PID1: variants seen among roughly 807,000 people sequenced by gnomAD.
PID1 encodes PTB-containing, cubilin and LRP1-interacting protein.
In PID1, 10 loss-of-function variants were observed where a neutral mutation model predicts 19.1. That is an observed-to-expected ratio of 0.52 (90% CI 0.32 to 0.89). PID1 has a LOEUF of 0.89. Among genes scored for constraint, PID1 ranks in the 40% least tolerant of loss-of-function variants. The pLI is 0.03. For synonymous variants in PID1, 130 were observed against 116.0 expected, an observed-to-expected ratio of 1.12 and a Z score of -0.78; for missense variants, 248 against 285.3, an observed-to-expected ratio of 0.87 and a Z score of 0.94.
At chr2:229,176,692 C>A (rs1690831315) in intron 1 of PID1, among the ~76,000 whole-genome samples, 1 of 152,192 alleles carries the variant, frequency 6.6e-6, no homozygotes, top group South Asian at 2.1e-4. Context: ...CCAAATATTT[C>A]ATTTGTACGA....
At chr2:229,145,451 A>G (rs550145003) in intron 2 of PID1, among the ~76,000 whole-genome samples, 40 of 152,110 alleles carry the variant, frequency 2.6e-4, no homozygotes, top group African/African-American at 9.1e-4. Context: ...CCAGAAAAAT[A>G]TGTGGAATAA....
intron 2 of PID1, among the ~76,000 whole-genome samples, chr2:229,135,101 A>C (rs577779541): frequency 6.6e-6 from 1 of 152,254 alleles, no homozygotes; most frequent in South Asian, 2.1e-4. Flanking sequence ...TGAGAAAGGA[A>C]GGAGGGAATG....
rs759906352 is a variant in PID1, at chr2:229,155,937, A to G, written c.58T>C (p.Leu20=). Residue 20 remains leucine, a synonymous_variant, in exon 2 of 3, where the codon TTG becomes CTG. Coordinates refer to ENST00000392055, the MANE Select transcript of PID1 (RefSeq NM_001100818.2). ...QHFQTMLKSK[L]NVLTLKKEPL... ...TCCTTTTTCAGTGTTAAGACATTCA[A>G]TTTAGACTTCAGCATGGTCTGAAAG... 55 of 1,613,854 alleles carry G rather than the reference A, an allele frequency of 3.4e-5. No individual in the cohort carries two copies. Among genetic ancestry groups the G allele is most frequent in the Non-Finnish European group, 4.3e-5 (51 of 1,180,014 alleles).
intron 2 of PID1, among the ~76,000 whole-genome samples, chr2:229,122,827 G>A (rs1456902398): frequency 1.3e-5 from 2 of 152,074 alleles, no homozygotes; most frequent in South Asian, 4.1e-4. Flanking sequence ...GGCAGGGAAA[G>A]GCCTCCAAAA....
chr2:229,140,787 T>A (rs543900954), intron 2 of PID1, among the ~76,000 whole-genome samples: 35 of 152,260 alleles, frequency 2.3e-4, no homozygotes, highest in Middle Eastern at 3.4e-3. Flanking sequence ...TTTAAAATAG[T>A]CATAATAAAC....
At chr2:229,049,198 T>G (rs148010769) in intron 2 of PID1, among the ~76,000 whole-genome samples, 8 of 152,248 alleles carry the variant, frequency 5.3e-5, no homozygotes, top group Non-Finnish European at 1.2e-4. Flanking sequence ...TGATCATCAC[T>G]TTATCATCTT....
At chr2:229,266,951 T>A (rs762567712) in intron 1 of PID1, among the ~76,000 whole-genome samples, 1 of 152,160 alleles carries the variant, frequency 6.6e-6, no homozygotes, top group African/African-American at 2.4e-5. Flanking sequence ...TGGTCTCCAG[T>A]TGACGTTTTA....
chr2:229,034,584 C>T (rs1308232256), intron 2 of PID1, among the ~76,000 whole-genome samples: 1 of 152,030 alleles, frequency 6.6e-6, no homozygotes, highest in Non-Finnish European at 1.5e-5. Context: ...CCTGGAGCTC[C>T]CTGCCCAGTT....
intron 1 of PID1, among the ~76,000 whole-genome samples, chr2:229,200,787 T>C (rs1182461329): frequency 6.6e-6 from 1 of 152,086 alleles, no homozygotes; most frequent in African/African-American, 2.4e-5. Context: ...AATAGAAAGC[T>C]AAGCATATTA....
intron 2 of PID1, among the ~76,000 whole-genome samples, chr2:229,045,121 T>A (rs1445577489): frequency 6.6e-6 from 1 of 152,036 alleles, no homozygotes; most frequent in African/African-American, 2.4e-5. Flanking sequence ...ACCCGGCTAA[T>A]TTTTGTATTT....
chr2:229,077,547 G>C (rs746390028), intron 2 of PID1, among the ~76,000 whole-genome samples: 6 of 152,118 alleles, frequency 3.9e-5, no homozygotes, highest in Non-Finnish European at 5.9e-5. Flanking sequence ...AATCCATCTT[G>C]AGCTAATTTT....
chr2:229,061,141 A>G (rs1452288515), intron 2 of PID1, among the ~76,000 whole-genome samples: 1 of 151,940 alleles, frequency 6.6e-6, no homozygotes, highest in Non-Finnish European at 1.5e-5. Context: ...TGCTTTTATT[A>G]CCTGTGCTTT....
At chr2:229,110,715 T>C (rs192748546) in intron 2 of PID1, among the ~76,000 whole-genome samples, 1 of 152,308 alleles carries the variant, frequency 6.6e-6, no homozygotes, top group East Asian at 1.9e-4. Context: ...ATGTTATCTC[T>C]AGCCTGTCAC....
intron 1 of PID1, among the ~76,000 whole-genome samples, chr2:229,185,685 A>G (rs541343166): frequency 1.3e-5 from 2 of 152,264 alleles, no homozygotes; most frequent in African/African-American, 4.8e-5. Context: ...CTTACTCACT[A>G]TCACAAGAAT....
chr2:229,060,504 T>C (rs1264024760), intron 2 of PID1, among the ~76,000 whole-genome samples: 1 of 152,142 alleles, frequency 6.6e-6, no homozygotes, highest in Non-Finnish European at 1.5e-5. Context: ...CCACATTCTC[T>C]TTATCCATTC....
chr2:229,070,496 C>T (rs1694429340), intron 2 of PID1, among the ~76,000 whole-genome samples: 2 of 152,182 alleles, frequency 1.3e-5, no homozygotes, highest in South Asian at 4.1e-4. Context: ...ACAAACAACA[C>T]ACAAGATGTA....
intron 2 of PID1, among the ~76,000 whole-genome samples, chr2:229,068,009 G>A (rs753559876): frequency 8.5e-5 from 13 of 152,148 alleles, no homozygotes; most frequent in Admixed American, 2.6e-4. Flanking sequence ...AACTTCCAGG[G>A]CTACAGTCTC....
At chr2:229,055,074 A>G (rs1694072310) in intron 2 of PID1, among the ~76,000 whole-genome samples, 1 of 152,136 alleles carries the variant, frequency 6.6e-6, no homozygotes, top group Admixed American at 6.5e-5. Context: ...AGACATGGTG[A>G]CTGACTAGGT....
At chr2:229,243,601 TA>T (rs1388231601) in intron 1 of PID1, among the ~76,000 whole-genome samples, 2 of 152,104 alleles carry the variant, frequency 1.3e-5, no homozygotes, top group African/African-American at 4.8e-5. Flanking sequence ...ATATCACCTT[TA>T]AAAAAATTTT....
Sources: allele counts gnomAD v4.1 joint callset (sites outside exome capture counted in the v4.1 genomes callset), GRCh38; gene constraint gnomAD v4.1.1; transcripts MANE v1.5; gene names NCBI Gene and HGNC (gene_info 2026-07-23, HGNC 2026-07-21).